The following ERC1 variants were observed in gnomAD, a reference collection of about 807,000 sequenced individuals.
ERC1 encodes the protein RAB6 interacting protein 2.
Under a neutral mutation model 132.0 loss-of-function variants are expected in ERC1, and 56 were observed. The observed-to-expected ratio is 0.42, with a 90% CI of 0.34 to 0.53. The LOEUF is 0.53. ERC1 is among the 20% of genes least tolerant of loss of function. The pLI is 0.03. For synonymous variants in ERC1, 478 were observed against 476.1 expected, an observed-to-expected ratio of 1.00 and a Z score of -0.05; for missense variants, 1,202 against 1,349.9, an observed-to-expected ratio of 0.89 and a Z score of 1.72.
At chr12:1,467,808 T>G (rs1014585108) in intron 18 of ERC1, among the ~76,000 whole-genome samples, 1 of 152,232 alleles carries the variant, frequency 6.6e-6, no homozygotes, top group Non-Finnish European at 1.5e-5. Context: ...TGATAGATTA[T>G]CAGGCATTAG....
chr12:1,065,615 C>T (rs1276030386), intron 2 of ERC1, among the ~76,000 whole-genome samples: 1 of 148,106 alleles, frequency 6.8e-6, no homozygotes, highest in African/African-American at 2.5e-5. Flanking sequence ...GGACGGATTT[C>T]TTCCTAGAGA....
intron 2 of ERC1, among the ~76,000 whole-genome samples, chr12:1,046,349 C>A (rs748375161): frequency 1.1e-4 from 16 of 152,162 alleles, no homozygotes; most frequent in Non-Finnish European, 2.1e-4. Context: ...ATAGCCAAAT[C>A]CTTCCTACAG....
chr12:1,085,011 ATTG>A (rs58387554), intron 3 of ERC1, among the ~76,000 whole-genome samples: 658 of 60,224 alleles, frequency 0.011, 88 homozygotes, highest in African/African-American at 0.025. Context: ...CATTATTATT[ATTG>A]TTGTTGTTGT....
At chr12:1,137,423 A>G (rs1235688115) in intron 7 of ERC1, among the ~76,000 whole-genome samples, 1 of 151,834 alleles carries the variant, frequency 6.6e-6, no homozygotes, top group Non-Finnish European at 1.5e-5. Context: ...CCAGTTCTTT[A>G]ATATAATATG....
chr12:1,061,435 TAA>T (rs35881682), intron 2 of ERC1, among the ~76,000 whole-genome samples: 66,417 of 141,092 alleles, frequency 0.47, 16,362 homozygotes, highest in African/African-American at 0.64. Flanking sequence ...GTCTCTACTA[TAA>T]AAAAAAAAAA....
At chr12:1,390,328 C>T (rs548171644) in intron 16 of ERC1, among the ~76,000 whole-genome samples, 15 of 152,128 alleles carry the variant, frequency 9.9e-5, no homozygotes, top group Admixed American at 7.9e-4. Context: ...GTGTAACCCA[C>T]AGTGACATAA....
Position 1,343,265 on chromosome 12 carries a change from G to C in ERC1, c.2781-28568G>C, listed in dbSNP as rs370732647. 7.9e-4 allele frequency among the ~76,000 whole-genome samples: 121 copies of C among 152,248 alleles called. 2 individuals carry two copies. The South Asian group carries it at 0.024, about 31-fold the overall frequency. Reference sequence around the variant, plus strand: ...CATTATAGACTTCATCCTTCAAAAGGGAGTGCCATTCGTCCCAACTAGTAT... The same window carrying C: ...CATTATAGACTTCATCCTTCAAAAGCGAGTGCCATTCGTCCCAACTAGTAT... On this transcript the variant is annotated intron_variant, in intron 15 of 18. Transcript: ENST00000360905.
chr12:1,165,894 T>C (rs1005051310), intron 8 of ERC1, among the ~76,000 whole-genome samples: 6 of 152,194 alleles, frequency 3.9e-5, no homozygotes, highest in Non-Finnish European at 5.9e-5. Context: ...GCAACCATCA[T>C]CACTGTCCAA....
chr12:1,009,358 T>C (rs1964294068), intron 1 of ERC1, among the ~76,000 whole-genome samples: 1 of 152,106 alleles, frequency 6.6e-6, no homozygotes, highest in Non-Finnish European at 1.5e-5. Context: ...GTATTTTTAG[T>C]AGAGACAGGG....
chr12:1,366,175 A>G (rs1215391741), intron 15 of ERC1, among the ~76,000 whole-genome samples: 8 of 152,270 alleles, frequency 5.3e-5, no homozygotes, highest in African/African-American at 1.9e-4. Flanking sequence ...CTGTTCATTT[A>G]TAAATGGTTA....
intron 17 of ERC1, among the ~76,000 whole-genome samples, chr12:1,430,051 G>C (rs1405373422): frequency 6.6e-6 from 1 of 152,092 alleles, no homozygotes; most frequent in Non-Finnish European, 1.5e-5. Flanking sequence ...ACCTTCCCTG[G>C]GGATAGAACA....
chr12:1,180,024 A>G (rs1954230129), intron 8 of ERC1, among the ~76,000 whole-genome samples: 1 of 152,204 alleles, frequency 6.6e-6, no homozygotes. Flanking sequence ...TGTAAAACTA[A>G]CCTAACACTA....
chr12:1,058,224 C>T (rs1192181742), intron 2 of ERC1, among the ~76,000 whole-genome samples: 1 of 152,056 alleles, frequency 6.6e-6, no homozygotes, highest in African/African-American at 2.4e-5. Flanking sequence ...GTTTTCTCAC[C>T]AGTGCTTTTG....
In ERC1 at chr12:1,183,296, C is replaced by A; in HGVS notation, c.2032C>A (p.Leu678Met). The A allele has an allele frequency of 6.4e-7, 1 of 1,561,022 alleles. No individual in the cohort carries two copies. Among genetic ancestry groups the A allele is most frequent in the Non-Finnish European group, 8.7e-7 (1 of 1,147,356 alleles). Residue 678 changes from leucine (L) to methionine (M), a missense_variant, in exon 11 of 19, where the codon CTG becomes ATG. Physicochemically the swap from Leu to Met is conservative, Grantham distance 15. Transcript: ENST00000360905. ...CTTCTTTTAGGCTTCACTTTTGGAT[C>A]TGAAAGAGCATGCTTCTTCTCTGGC... The part of the protein sequence containing the change: ...LSEKEASLLD[L>M]KEHASSLASS...
chr12:1,483,016 G>A (rs753587154), intron 18 of ERC1, among the ~76,000 whole-genome samples: 1 of 152,134 alleles, frequency 6.6e-6, no homozygotes, highest in Admixed American at 6.5e-5. Flanking sequence ...ATGGAATCAG[G>A]CTGGGCATGG....
At chr12:995,566 A>T (rs78940009) in intron 1 of ERC1, among the ~76,000 whole-genome samples, 110 of 152,318 alleles carry the variant, frequency 7.2e-4, no homozygotes, top group African/African-American at 2.3e-3. Context: ...GTCCAGGAAG[A>T]GTGAGAAATG....
intron 2 of ERC1, among the ~76,000 whole-genome samples, chr12:1,075,084 AAGG>A (rs1941109189): frequency 6.6e-6 from 1 of 152,020 alleles, no homozygotes; most frequent in Non-Finnish European, 1.5e-5. Flanking sequence ...AACTAACAAT[AAGG>A]AGGAGTAAAT....
At chr12:1,104,308 A>C (rs2154199259) in intron 3 of ERC1, among the ~76,000 whole-genome samples, 1 of 152,314 alleles carries the variant, frequency 6.6e-6, no homozygotes, top group Middle Eastern at 3.4e-3. Context: ...TGTTGTCAAC[A>C]CAGATTGCTT....
intron 4 of ERC1, 112 bp downstream of exon 4, chr12:1,104,936 G>A (rs1945085645): frequency 1.5e-6 from 1 of 658,164 alleles, no homozygotes; most frequent in Non-Finnish European, 2.7e-6. Context: ...TCACTTATTT[G>A]GAGATTAAGA....
Sources: allele counts gnomAD v4.1 joint callset (sites outside exome capture counted in the v4.1 genomes callset), GRCh38; gene constraint gnomAD v4.1.1; transcripts MANE v1.5; gene names NCBI Gene and HGNC (gene_info 2026-07-23, HGNC 2026-07-21).